The following CUX1 variants were observed in gnomAD, a reference collection of about 807,000 sequenced individuals.
The protein encoded by CUX1 is cut like homeobox 1.
A neutral mutation model predicts 158.8 loss-of-function variants in CUX1; 31 were observed. That is an observed-to-expected ratio of 0.20 (90% CI 0.15 to 0.26). The LOEUF is 0.26. CUX1 is among the 10% of genes least tolerant of loss of function. The pLI, the probability that CUX1 is intolerant of heterozygous loss-of-function variation, is 1.00. For synonymous variants in CUX1, 879 were observed against 862.1 expected (o/e 1.02, Z -0.34); for missense variants, 1,589 against 2,014.6 (o/e 0.79, Z 4.04).
chr7:101,904,117 AACAC>A lies in CUX1; in HGVS notation c.31-11968_31-11965del, dbSNP rs10622369. ...ACATGGCAAAACCGTGTCTTTACAAAACACACACACACACACACACACACACACA... is the reference window on the plus strand; with the variant it reads ...ACATGGCAAAACCGTGTCTTTACAAAACACACACACACACACACACACACA... On this transcript the variant is annotated intron_variant, in intron 1 of 23. Coordinates refer to ENST00000292535, the MANE Select transcript of CUX1 (RefSeq NM_181552.4). 8.2e-3 allele frequency among the ~76,000 whole-genome samples: 1,176 copies of A among 143,806 alleles called. 8 individuals carry two copies. The highest frequency in any genetic ancestry group is 0.021 in the African/African-American group (803 of 38,676). The allele number at this position is 143,806 out of a possible 152,430, so 94.3% of individuals were successfully genotyped here. A position where few individuals can be genotyped will look rare whatever the true frequency, so the allele number is the denominator to read the frequency against.
At chr7:101,842,404 T>C (rs1312881234) in intron 1 of CUX1, among the ~76,000 whole-genome samples, 2 of 152,252 alleles carry the variant, frequency 1.3e-5, no homozygotes, top group South Asian at 2.1e-4. Context: ...CTTTCTTTCT[T>C]TGAGACAGAG....
chr7:102,067,133 A>G (rs1254247759), intron 3 of CUX1, among the ~76,000 whole-genome samples: 1 of 151,202 alleles, frequency 6.6e-6, no homozygotes, highest in African/African-American at 2.4e-5. Context: ...GTTGGCATCC[A>G]CCAGCCCCTC....
chr7:102,109,394 G>C (rs544649977), intron 6 of CUX1, among the ~76,000 whole-genome samples: 6 of 152,318 alleles, frequency 3.9e-5, no homozygotes, highest in Middle Eastern at 3.4e-3. Context: ...ATTTTATCTT[G>C]TGTTGGCAGA....
At chr7:102,103,135 C>T (rs930035521) in intron 5 of CUX1, among the ~76,000 whole-genome samples, 21 of 152,150 alleles carry the variant, frequency 1.4e-4, no homozygotes, top group Non-Finnish European at 2.9e-4. Flanking sequence ...TGCCCCACAT[C>T]CTTGGTGCTC....
At chr7:101,990,361 CTTTT>C (rs749377298) in intron 2 of CUX1, among the ~76,000 whole-genome samples, 1 of 142,800 alleles carries the variant, frequency 7.0e-6, no homozygotes, top group African/African-American at 2.6e-5. Context: ...GACCCCATCT[CTTTT>C]GTTTGTTTGT....
At chr7:101,998,644 C>T (rs1816281506) in intron 2 of CUX1, among the ~76,000 whole-genome samples, 1 of 152,140 alleles carries the variant, frequency 6.6e-6, no homozygotes, top group African/African-American at 2.4e-5. Context: ...TTCCTGATTT[C>T]AATCTTTCTG....
Position 102,254,314 on chromosome 7 carries a change from T to C in CUX1, c.*5272T>C. The C allele has an allele frequency of 2.0e-6, 2 of 985,492 alleles. No individual in the cohort carries two copies. The highest frequency in any genetic ancestry group is 2.4e-6 in the Non-Finnish European group (2 of 830,006). The allele number at this position is 985,492 out of a possible 1,614,324, so 61.0% of individuals were successfully genotyped here. On this transcript the variant is annotated 3_prime_UTR_variant, in exon 24 of 24. Transcript: ENST00000292535. Reference sequence around the variant, plus strand: ...GACTGCCCCAAAGTTCCCAGCTGGCTTTGGGGAACACTGTAGCTCTTGGGT... The same window carrying C: ...GACTGCCCCAAAGTTCCCAGCTGGCCTTGGGGAACACTGTAGCTCTTGGGT...
intron 22 of CUX1, 95 bp from the exon 23 acceptor site, chr7:102,239,225 C>G (rs1586389809): frequency 7.1e-6 from 10 of 1,409,428 alleles, no homozygotes; most frequent in Non-Finnish European, 8.5e-6. Flanking sequence ...CAAAGTCCTG[C>G]AAGCCGGCAC....
rs139452443 is a variant in CUX1, at chr7:102,087,656, A to G, written c.269-9708A>G. On this transcript the variant is annotated intron_variant, in intron 4 of 23. Coordinates refer to ENST00000292535, the MANE Select transcript of CUX1 (RefSeq NM_181552.4). ...AATAATACACCATTTCACATACAAT[A>G]TAAGAATCTTATAATACATTGTCAC... 5.6e-4 allele frequency among the ~76,000 whole-genome samples: 86 copies of G among 152,296 alleles called. 1 individual carries two copies. Among genetic ancestry groups the G allele is most frequent in the African/African-American group, 1.9e-3 (81 of 41,558 alleles).
intron 8 of CUX1, among the ~76,000 whole-genome samples, chr7:102,147,077 G>A (rs782323724): frequency 2.0e-5 from 3 of 152,070 alleles, no homozygotes; most frequent in Non-Finnish European, 2.9e-5. Context: ...AAGGTTATCT[G>A]TAGGGATAAA....
chr7:102,192,350 C>T, intron 12 of CUX1, among the ~76,000 whole-genome samples: 1 of 152,184 alleles, frequency 6.6e-6, no homozygotes, highest in East Asian at 1.9e-4. Context: ...GGAGTCTTGC[C>T]TATTACCTGT....
intron 14 of CUX1, among the ~76,000 whole-genome samples, chr7:102,269,923 C>G (rs1309843169): frequency 1.3e-5 from 2 of 152,202 alleles, no homozygotes; most frequent in African/African-American, 2.4e-5. Context: ...ACACACATGC[C>G]CTTAGCTGTT....
chr7:101,992,413 T>C (rs770968557), intron 2 of CUX1, among the ~76,000 whole-genome samples: 20 of 152,312 alleles, frequency 1.3e-4, no homozygotes, highest in African/African-American at 2.9e-4. Context: ...TCTTTTTTGA[T>C]TGGGGAGACT....
intron 2 of CUX1, among the ~76,000 whole-genome samples, chr7:101,965,773 C>T (rs771093850): frequency 1.4e-5 from 2 of 143,276 alleles, no homozygotes; most frequent in African/African-American, 2.6e-5. Flanking sequence ...GGCGTGAACC[C>T]GGGAGGCAGA....
Position 102,178,466 on chromosome 7 carries a change from C to T in CUX1, c.829-3C>T. ...GTTTTGTCATCTCTTTTCTCCTCCC[C>T]AGGAGCAGGCCATAGAGGTGCTGAC... On this transcript the variant is annotated splice_polypyrimidine_tract_variant and splice_region_variant and intron_variant, in intron 10 of 23. Coordinates refer to ENST00000292535, the MANE Select transcript of CUX1 (RefSeq NM_181552.4). 2 of 1,590,112 alleles carry T rather than the reference C, an allele frequency of 1.3e-6. No homozygotes were observed. Among genetic ancestry groups the T allele is most frequent in the Non-Finnish European group, 8.6e-7 (1 of 1,162,036 alleles).
At position 102,248,730 on chromosome 7, in the gene CUX1, G is replaced by C. The variant is rs781884195; in HGVS notation, c.4206G>C (p.Leu1402=). 117 of 1,111,978 alleles carry C rather than the reference G, an allele frequency of 1.1e-4. No homozygotes were observed. In the South Asian group the frequency reaches 2.7e-3, roughly 25 times the overall value. 68.9% of individuals were successfully genotyped at this position (1,111,978 alleles called of 1,614,324 possible). A position where few individuals can be genotyped will look rare whatever the true frequency, so the allele number is the denominator to read the frequency against. ...GCCCCGTGGAAGGCCCGGGGCCCCT[G>C]CCCAGCCCCGCCTCCGCGACCGCCA... ...EGGPVEGPGP[L]PSPASATATA... is the part of the protein sequence containing the mutation. The change falls in exon 24 of 24, where the codon CTG becomes CTC. Residue 1402 remains leucine, a synonymous_variant. Coordinates refer to ENST00000292535, the MANE Select transcript of CUX1 (RefSeq NM_181552.4). This position sits in a 1 kb window ranked among gnomAD's most constrained non-coding sequence, Gnocchi z 5.8.
At chr7:102,131,009 C>T (rs1000824917) in intron 8 of CUX1, among the ~76,000 whole-genome samples, 2 of 149,254 alleles carry the variant, frequency 1.3e-5, no homozygotes, top group African/African-American at 4.9e-5. Flanking sequence ...ATTAGCCGGG[C>T]GTGGTGGTAC....
intron 1 of CUX1, among the ~76,000 whole-genome samples, chr7:101,875,857 C>G (rs1799069739): frequency 1.3e-5 from 2 of 151,648 alleles, no homozygotes; most frequent in Non-Finnish European, 2.9e-5. Flanking sequence ...ATGGAAATGA[C>G]TTTCTCTCTG....
intron 20 of CUX1, among the ~76,000 whole-genome samples, chr7:102,216,611 CACACTCCCCACACACACA>C (rs1797151170): frequency 1.2e-5 from 1 of 85,986 alleles, no homozygotes; most frequent in South Asian, 4.9e-4. Context: ...CACACACACA[CACACTCCCCACACACACA>C]CCCCCACACA....
Sources: gnomAD v4.1 joint callset for allele counts (sites outside exome capture counted in the v4.1 genomes callset) on GRCh38, gnomAD v4.1.1 for gene constraint, Gnocchi (gnomAD v3.1) non-coding constraint, MANE v1.5 for transcripts, NCBI Gene and HGNC (gene_info 2026-07-23, HGNC 2026-07-21) for gene names.